The following ZFHX3 variants were observed in gnomAD, a reference collection of about 807,000 sequenced individuals.
ZFHX3 encodes the protein zinc finger homeobox 3.
A neutral mutation model predicts 279.1 loss-of-function variants in ZFHX3; 42 were observed. The observed-to-expected ratio is 0.15, with a 90% CI of 0.12 to 0.19. ZFHX3 has a LOEUF of 0.19. Ranked by LOEUF, ZFHX3 falls within the 10% of genes least tolerant of loss-of-function variation. The pLI is 1.00. For synonymous variants in ZFHX3, 2,293 were observed against 1,957.8 expected (o/e 1.17, Z -4.52); for missense variants, 4,981 against 4,754.0 (o/e 1.05, Z -1.40).
chr16:73,462,884 C>T (rs2018496330), intron 2 of ZFHX3, among the ~76,000 whole-genome samples: 1 of 152,120 alleles, frequency 6.6e-6, no homozygotes, highest in Non-Finnish European at 1.5e-5. Flanking sequence ...TTCTTTTGTA[C>T]TATTTTAGTC....
intron 4 of ZFHX3, among the ~76,000 whole-genome samples, chr16:73,309,363 G>C (rs371433010): frequency 3.9e-4 from 60 of 152,224 alleles, no homozygotes; most frequent in African/African-American, 1.3e-3. Context: ...GTTTTCTAAG[G>C]ATGATGGCCT....
intron 3 of ZFHX3, among the ~76,000 whole-genome samples, chr16:72,934,818 G>T (rs562158317): frequency 6.6e-6 from 1 of 152,164 alleles, no homozygotes; most frequent in Non-Finnish European, 1.5e-5. Context: ...ATCAGAATCC[G>T]ACAGTAAATG....
chr16:73,628,126 C>G (rs1201618409), intron 2 of ZFHX3, among the ~76,000 whole-genome samples: 3 of 152,156 alleles, frequency 2.0e-5, no homozygotes, highest in Admixed American at 2.0e-4. Flanking sequence ...CCCAACGTGT[C>G]TACCTCCAAC....
chr16:72,894,867 G>A (rs547561052), intron 3 of ZFHX3, among the ~76,000 whole-genome samples: 41 of 152,260 alleles, frequency 2.7e-4, no homozygotes, highest in African/African-American at 6.5e-4. Flanking sequence ...AGAGTCACCC[G>A]CTGGGGAGGA....
chr16:73,858,624 A>G (rs1424012894), intron 1 of ZFHX3, among the ~76,000 whole-genome samples: 1 of 152,228 alleles, frequency 6.6e-6, no homozygotes, highest in African/African-American at 2.4e-5. Flanking sequence ...TAGATGACAT[A>G]TGGGTTAATC....
chr16:72,921,007 G>A (rs1340802837), intron 3 of ZFHX3, among the ~76,000 whole-genome samples: 1 of 143,916 alleles, frequency 6.9e-6, no homozygotes, highest in Non-Finnish European at 1.5e-5. Context: ...AGGAGTTCAA[G>A]GCTACAGTGA....
chr16:73,298,761 A>C (rs1744252892), intron 4 of ZFHX3, among the ~76,000 whole-genome samples: 2 of 152,182 alleles, frequency 1.3e-5, no homozygotes, highest in Admixed American at 1.3e-4. Flanking sequence ...TGCTGTAAGC[A>C]AAAGAGAAAC....
At chr16:73,795,054 G>A (rs1241755619) in intron 1 of ZFHX3, among the ~76,000 whole-genome samples, 2 of 152,200 alleles carry the variant, frequency 1.3e-5, no homozygotes, top group Non-Finnish European at 2.9e-5. Context: ...CTCAGTGCTT[G>A]GAACAAGTAT....
chr16:72,827,146 C>G (rs868307795), intron 5 of ZFHX3, among the ~76,000 whole-genome samples: 2 of 152,188 alleles, frequency 1.3e-5, no homozygotes, highest in South Asian at 4.1e-4. Flanking sequence ...AAACATCATT[C>G]GCACGATCCC....
chr16:72,818,839 A>G (rs930710461), intron 5 of ZFHX3, among the ~76,000 whole-genome samples: 1 of 152,228 alleles, frequency 6.6e-6, no homozygotes, highest in Non-Finnish European at 1.5e-5. Flanking sequence ...CTAAAAGTAG[A>G]ATATGCTTAC....
At chr16:72,863,932 T>C (rs192318581) in intron 4 of ZFHX3, among the ~76,000 whole-genome samples, 2 of 152,200 alleles carry the variant, frequency 1.3e-5, no homozygotes, top group East Asian at 1.9e-4. Flanking sequence ...CTGGCTAACA[T>C]GGTGAAACCC....
chr16:72,921,589 A>G (rs2039585774), intron 3 of ZFHX3, among the ~76,000 whole-genome samples: 1 of 152,372 alleles, frequency 6.6e-6, no homozygotes, highest in South Asian at 2.1e-4. Context: ...GCACCTTAAC[A>G]GTACGGTGAG....
At chr16:73,840,025 G>A (rs1388313433) in intron 1 of ZFHX3, among the ~76,000 whole-genome samples, 1 of 152,150 alleles carries the variant, frequency 6.6e-6, no homozygotes, top group African/African-American at 2.4e-5. Flanking sequence ...TCACAGGTCA[G>A]TTTCTCTTGT....
At chr16:73,313,759 G>A (rs1191381448) in intron 4 of ZFHX3, among the ~76,000 whole-genome samples, 2 of 152,184 alleles carry the variant, frequency 1.3e-5, no homozygotes, top group Non-Finnish European at 2.9e-5. Context: ...GTAGTATGAT[G>A]CTTAATTTTA....
rs535694760 is a variant in ZFHX3 at position 73,513,170 on chromosome 16, T to C, written c.-1546-56912A>G. 1.2e-4 allele frequency among the ~76,000 whole-genome samples: 19 copies of C among 152,318 alleles called. No homozygotes were observed. In the East Asian group the frequency reaches 3.7e-3, roughly 29 times the overall value. ...AGCATGTTCTGATGGGTGAGACAGA[T>C]GGACAGCTCTTTGAAAAGGAGTCCC... On this transcript the variant is annotated intron_variant, in intron 2 of 17. Transcript: ENST00000641206.
chr16:73,778,819 T>C (rs1473866443), intron 1 of ZFHX3, among the ~76,000 whole-genome samples: 2 of 152,174 alleles, frequency 1.3e-5, no homozygotes, highest in African/African-American at 4.8e-5. Context: ...CCAAAAACAA[T>C]GACTAACAGT....
At chr16:73,859,884 C>T (rs998298176) in intron 1 of ZFHX3, among the ~76,000 whole-genome samples, 1 of 152,144 alleles carries the variant, frequency 6.6e-6, no homozygotes, top group African/African-American at 2.4e-5. Context: ...AGATAACATC[C>T]GACGAAGTAA....
At chr16:73,202,508 C>T (rs987020961) in intron 5 of ZFHX3, among the ~76,000 whole-genome samples, 4 of 152,216 alleles carry the variant, frequency 2.6e-5, no homozygotes, top group Non-Finnish European at 5.9e-5. Flanking sequence ...GTAAAACCAT[C>T]GCTATGGCAG....
chr16:73,373,328 T>C (rs1014723834), intron 3 of ZFHX3, among the ~76,000 whole-genome samples: 2 of 152,114 alleles, frequency 1.3e-5, no homozygotes, highest in African/African-American at 4.8e-5. Flanking sequence ...ATGGATCAAA[T>C]AGGAAGAGAC....
Sources: gnomAD v4.1 joint callset for allele counts (sites outside exome capture counted in the v4.1 genomes callset) on GRCh38, gnomAD v4.1.1 for gene constraint, MANE v1.5 for transcripts, NCBI Gene and HGNC (gene_info 2026-07-23, HGNC 2026-07-21) for gene names.